The following UBE3B variants were observed in gnomAD, a reference collection of about 807,000 sequenced individuals.
The protein encoded by UBE3B is ubiquitin protein ligase E3B.
A neutral mutation model predicts 132.3 loss-of-function variants in UBE3B; 80 were observed. That is an observed-to-expected ratio of 0.60 (90% CI 0.50 to 0.73). The LOEUF (loss-of-function observed/expected upper bound fraction) is 0.73, where lower values mean the gene tolerates loss of function less well. Ranked by LOEUF, UBE3B falls within the 30% of genes least tolerant of loss-of-function variation. The pLI is 0.00. For missense variants in UBE3B, 1,196 were observed against 1,362.5 expected, an observed-to-expected ratio of 0.88 and a Z score of 1.92; for synonymous variants, 487 against 520.4, an observed-to-expected ratio of 0.94 and a Z score of 0.87.
At chr12:109,533,736 G>C (rs898470690) in intron 27 of UBE3B, 178 bp downstream of exon 27, 4 of 835,574 alleles carry the variant, frequency 4.8e-6, no homozygotes, top group Non-Finnish European at 7.9e-6. Context: ...GCCAGCCCCA[G>C]AGAGACTGCC....
At position 109,483,687 on chromosome 12, in the gene UBE3B, C is replaced by T. The variant is rs149953168; in HGVS notation, c.136C>T (p.Arg46Trp). 129 of 1,608,556 alleles carry T rather than the reference C, an allele frequency of 8.0e-5. No homozygotes were observed. The highest frequency in any genetic ancestry group is 2.9e-4 in the Admixed American group (17 of 58,928). Residue 46 changes from arginine to tryptophan, a missense_variant, in exon 3 of 28, where the codon CGG (arginine) becomes TGG (tryptophan). Coordinates refer to ENST00000342494, the MANE Select transcript of UBE3B (RefSeq NM_130466.4). ...IQAHVRSFLC[R>W]SRLQRDIRRE... ...GGCCCATGTCCGGAGTTTTCTCTGT[C>T]GGAGTCGACTGCAGAGAGATATCAG...
chr12:109,493,699 C>A (rs527519613), intron 9 of UBE3B, among the ~76,000 whole-genome samples: 7 of 152,172 alleles, frequency 4.6e-5, no homozygotes, highest in Non-Finnish European at 7.3e-5. Flanking sequence ...TCTATAAAAT[C>A]GTCAGTGGTG....
chr12:109,491,490 A>C (rs886883676), intron 9 of UBE3B: 1 of 184,722 alleles, frequency 5.4e-6, no homozygotes, highest in African/African-American at 2.3e-5. Flanking sequence ...GGGCAGGGTG[A>C]GAGGATTAAG....
Position 109,503,206 on chromosome 12 carries a change from G to A in UBE3B, c.1450+16G>A. On this transcript the variant is annotated intron_variant, in intron 14 of 27. Coordinates refer to ENST00000342494, the MANE Select transcript of UBE3B (RefSeq NM_130466.4). The stretch of plus-strand genomic sequence containing the variant: ...ATACTCACAGGTTCGCAGTCCCCAG[G>A]GCATCTTCTTCACCTCTCACATTTG... The A allele has an allele frequency of 6.2e-7, 1 of 1,608,920 alleles. No homozygotes were observed. Among genetic ancestry groups the A allele is most frequent in the Non-Finnish European group, 8.5e-7 (1 of 1,176,148 alleles).
In UBE3B at chr12:109,528,333, A is replaced by T. The variant is rs796319716; in HGVS notation, c.2628-1557A>T. The T allele has an allele frequency of 4.1e-6, 4 of 984,920 alleles. 1 individual carries two copies. The African/African-American group carries it at 7.0e-5, about 17-fold the overall frequency. The allele number at this position is 984,920 out of a possible 1,614,324, so 61.0% of individuals were successfully genotyped here. On this transcript the variant is annotated intron_variant, in intron 24 of 27. Coordinates refer to ENST00000342494, the MANE Select transcript of UBE3B (RefSeq NM_130466.4). Reference sequence around the variant, plus strand: ...CTCTCCCCCTTTCTCAGTAAAGTGGAGCAGTACTCGTCACCTGCTTCAAAG... The same window carrying T: ...CTCTCCCCCTTTCTCAGTAAAGTGGTGCAGTACTCGTCACCTGCTTCAAAG...
At chr12:109,515,422 T>C (rs565455490) in intron 18 of UBE3B, among the ~76,000 whole-genome samples, 2 of 151,930 alleles carry the variant, frequency 1.3e-5, no homozygotes, top group South Asian at 4.2e-4. Flanking sequence ...CAGGCTGGAG[T>C]GTGATGGTAC....
At chr12:109,488,198 A>T (rs568356409) in intron 6 of UBE3B, among the ~76,000 whole-genome samples, 2 of 152,360 alleles carry the variant, frequency 1.3e-5, no homozygotes, top group South Asian at 4.1e-4. Context: ...TGGTGAAGTC[A>T]GAAGGCTGAG....
At chr12:109,511,684 A>G (rs1880393415) in intron 18 of UBE3B, among the ~76,000 whole-genome samples, 1 of 152,206 alleles carries the variant, frequency 6.6e-6, no homozygotes, top group South Asian at 2.1e-4. Context: ...GATGGGGTCA[A>G]GAGGAAGCCG....
intron 11 of UBE3B, among the ~76,000 whole-genome samples, chr12:109,499,266 T>C (rs1274802988): frequency 6.6e-6 from 1 of 152,216 alleles, no homozygotes; most frequent in Non-Finnish European, 1.5e-5. Context: ...AGCATTAATA[T>C]AATATTAAAA....
At chr12:109,515,272 C>T (rs1880891705) in intron 18 of UBE3B, among the ~76,000 whole-genome samples, 1 of 151,924 alleles carries the variant, frequency 6.6e-6, no homozygotes, top group Non-Finnish European at 1.5e-5. Context: ...ATCATATTTG[C>T]CTAATAGAGT....
chr12:109,524,538 T>G (rs1418088929), intron 23 of UBE3B, 35 bp downstream of exon 23: 1 of 1,609,704 alleles, frequency 6.2e-7, no homozygotes, highest in Non-Finnish European at 8.5e-7. Flanking sequence ...CCCTTTCCAC[T>G]GCCCCCATGG....
intron 12 of UBE3B, among the ~76,000 whole-genome samples, chr12:109,500,778 A>G (rs1878882385): frequency 6.6e-6 from 1 of 152,162 alleles, no homozygotes; most frequent in African/African-American, 2.4e-5. Flanking sequence ...GGCTTTCTAG[A>G]AAGATTGAAT....
intron 24 of UBE3B, among the ~76,000 whole-genome samples, chr12:109,527,237 A>G (rs1023573793): frequency 6.6e-6 from 1 of 152,232 alleles, no homozygotes; most frequent in Non-Finnish European, 1.5e-5. Flanking sequence ...GCTCTGCAGA[A>G]TCTATCATAA....
At chr12:109,529,245 A>G (rs965019964) in intron 24 of UBE3B, among the ~76,000 whole-genome samples, 4 of 152,216 alleles carry the variant, frequency 2.6e-5, no homozygotes, top group Non-Finnish European at 5.9e-5. Flanking sequence ...AGAGGATTAT[A>G]TGCTTTATGC....
chr12:109,490,001 G>C lies in UBE3B; in HGVS notation c.627G>C (p.Leu209=), dbSNP rs112530776. 3.3e-3 allele frequency: 5,274 copies of C among 1,614,090 alleles called. 75 individuals carry two copies. The African/African-American group carries it at 0.037, about 11-fold the overall frequency. ...ACCAGCATGGATTTTATTCTGTGCT[G>C]CAGGTCTGTGACTCCTGCCCCCCAG... The part of the protein sequence containing the change: ...HLNQHGFYSV[L]QILLTRGLAR... The change falls in exon 8 of 28, where the codon CTG becomes CTC. Residue 209 remains leucine, a synonymous_variant. Coordinates refer to ENST00000342494, the MANE Select transcript of UBE3B (RefSeq NM_130466.4).
At chr12:109,490,594 G>C in intron 8 of UBE3B, 5 of 1,535,888 alleles carry the variant, frequency 3.3e-6, no homozygotes, top group Non-Finnish European at 4.4e-6. Context: ...TGTCTCGCTA[G>C]AGGAACCTTC....
chr12:109,491,317 A>G (rs974301668), intron 9 of UBE3B, 190 bp downstream of exon 9: 2 of 448,486 alleles, frequency 4.5e-6, no homozygotes, highest in Non-Finnish European at 7.9e-6. Context: ...TCAGTCTTGA[A>G]TATTTCTTAA....
intron 14 of UBE3B, among the ~76,000 whole-genome samples, 175 bp from the exon 15 acceptor site, chr12:109,507,389 C>G (rs1370634377): frequency 3.3e-5 from 5 of 152,252 alleles, no homozygotes; most frequent in Admixed American, 2.6e-4. Context: ...ACTACTGGCT[C>G]TTATCATTGT....
At position 109,511,188 on chromosome 12, in the gene UBE3B, T is replaced by C. The variant is rs772223833; in HGVS notation, c.1857-16T>C. Reference sequence around the variant, plus strand: ...CCTTCTTTTAATTCTCCCAAACCCATGTCTTTCTTCTCAAGGGATCTCAAA... The same window carrying C: ...CCTTCTTTTAATTCTCCCAAACCCACGTCTTTCTTCTCAAGGGATCTCAAA... On this transcript the variant is annotated splice_polypyrimidine_tract_variant and intron_variant, in intron 17 of 27. Coordinates refer to ENST00000342494, the MANE Select transcript of UBE3B (RefSeq NM_130466.4). 1.2e-6 allele frequency: 2 copies of C among 1,612,772 alleles called. No homozygotes were observed. Among genetic ancestry groups the C allele is most frequent in the Admixed American group, 1.7e-5 (1 of 59,944 alleles).
Sources: gnomAD v4.1 joint callset for allele counts (sites outside exome capture counted in the v4.1 genomes callset) on GRCh38, gnomAD v4.1.1 for gene constraint, MANE v1.5 for transcripts, NCBI Gene and HGNC (gene_info 2026-07-23, HGNC 2026-07-21) for gene names.